Variants in CDH13 observed in about 807,000 individuals in gnomAD.
The protein encoded by CDH13 is cadherin-13.
Under a neutral mutation model 63.8 loss-of-function variants are expected in CDH13, and 24 were observed. The observed-to-expected ratio is 0.38, with a 90% CI of 0.27 to 0.53. The LOEUF (loss-of-function observed/expected upper bound fraction) is 0.53. Among genes scored for constraint, CDH13 ranks in the 20% least tolerant of loss-of-function variants. CDH13 has a pLI of 0.85. For missense variants in CDH13, 1,049 were observed against 903.1 expected (o/e 1.16, Z -2.07); for synonymous variants, 503 against 355.3 (o/e 1.42, Z -4.67).
chr16:83,741,864 A>G (rs1175657616), intron 10 of CDH13, among the ~76,000 whole-genome samples: 1 of 152,104 alleles, frequency 6.6e-6, no homozygotes, highest in African/African-American at 2.4e-5. Context: ...CACAAATCCT[A>G]TTGTGAACTG....
At chr16:83,568,368 CCTT>C (rs1277222166) in intron 7 of CDH13, among the ~76,000 whole-genome samples, 1 of 152,146 alleles carries the variant, frequency 6.6e-6, no homozygotes, top group Non-Finnish European at 1.5e-5. Context: ...AAATTCTGGT[CCTT>C]CTTCTTGAGT....
chr16:83,050,150 C>G (rs1470704377), intron 3 of CDH13, among the ~76,000 whole-genome samples: 1 of 152,110 alleles, frequency 6.6e-6, no homozygotes, highest in Non-Finnish European at 1.5e-5. Flanking sequence ...AAAAAAAACC[C>G]TGCTTATTGA....
intron 1 of CDH13, among the ~76,000 whole-genome samples, chr16:82,815,881 A>G (rs540983250): frequency 2.0e-5 from 3 of 152,334 alleles, no homozygotes; most frequent in Admixed American, 1.3e-4. Flanking sequence ...AACACCACAG[A>G]TGACTGTTGG....
intron 6 of CDH13, among the ~76,000 whole-genome samples, chr16:83,466,381 G>A (rs2073316327): frequency 6.6e-6 from 1 of 152,162 alleles, no homozygotes; most frequent in African/African-American, 2.4e-5. Context: ...CTGGACATTA[G>A]AACCGCCTTA....
At chr16:83,132,600 C>A (rs7195049) in intron 4 of CDH13, among the ~76,000 whole-genome samples, 1,841 of 151,868 alleles carry the variant, frequency 0.012, 24 homozygotes, top group African/African-American at 0.042. Flanking sequence ...GATGCCACCA[C>A]GCCCAGCTAA....
At chr16:83,004,725 T>A (rs13329781) in intron 2 of CDH13, among the ~76,000 whole-genome samples, 57,434 of 152,002 alleles carry the variant, frequency 0.38, 11,029 homozygotes, top group Non-Finnish European at 0.42. Flanking sequence ...ACTCCTGACC[T>A]CAAGTGATCC....
intron 6 of CDH13, among the ~76,000 whole-genome samples, chr16:83,376,908 C>A (rs2091470179): frequency 6.6e-6 from 1 of 152,092 alleles, no homozygotes; most frequent in Non-Finnish European, 1.5e-5. Context: ...CTGATAGAAG[C>A]CAGCACCACA....
At position 82,907,148 on chromosome 16, in the gene CDH13, A is replaced by G. The variant is rs574485401; in HGVS notation, c.157+48675A>G. On this transcript the variant is annotated intron_variant, in intron 2 of 13. Coordinates refer to ENST00000567109, the MANE Select transcript of CDH13 (RefSeq NM_001257.5). ...TTATTTTGGAATATAGAATTTCAGA[A>G]CAGAAATGGGATCTGATGATTGCCT... Among the ~76,000 whole-genome samples the G allele has an allele frequency of 1.6e-4, 25 of 152,326 alleles. No homozygotes were observed. In the South Asian group the frequency reaches 4.4e-3, roughly 27 times the overall value.
chr16:83,387,128 A>G (rs1019373550), intron 6 of CDH13, among the ~76,000 whole-genome samples: 1 of 152,324 alleles, frequency 6.6e-6, no homozygotes, highest in African/African-American at 2.4e-5. Flanking sequence ...TGTTAGGTCA[A>G]CCAAGTTACA....
At chr16:83,130,478 C>T (rs2035997220) in intron 4 of CDH13, among the ~76,000 whole-genome samples, 1 of 152,066 alleles carries the variant, frequency 6.6e-6, no homozygotes, top group Non-Finnish European at 1.5e-5. Flanking sequence ...AAATTGAGTG[C>T]AATTCTTGGC....
chr16:83,180,934 C>A, intron 4 of CDH13: 1 of 1,531,056 alleles, frequency 6.5e-7, no homozygotes, highest in Non-Finnish European at 8.8e-7. Context: ...GATTTAAATC[C>A]ATGCATTACA....
intron 2 of CDH13, among the ~76,000 whole-genome samples, chr16:82,911,450 G>T (rs923159363): frequency 2.0e-5 from 3 of 152,118 alleles, no homozygotes; most frequent in African/African-American, 7.2e-5. Flanking sequence ...GACCTAGAGG[G>T]AACTCTGCAG....
intron 1 of CDH13, among the ~76,000 whole-genome samples, chr16:82,847,794 C>G (rs1000924174): frequency 4.6e-5 from 7 of 152,032 alleles, no homozygotes; most frequent in African/African-American, 1.4e-4. Context: ...ATTAATTTAC[C>G]AAAAGCCAGA....
At chr16:83,502,154 A>T (rs889159124) in intron 7 of CDH13, among the ~76,000 whole-genome samples, 1 of 152,218 alleles carries the variant, frequency 6.6e-6, no homozygotes, top group Non-Finnish European at 1.5e-5. Flanking sequence ...ACTTGTAAAT[A>T]TGTTACCTTA....
intron 10 of CDH13, among the ~76,000 whole-genome samples, chr16:83,696,480 C>G (rs775197658): frequency 4.6e-5 from 7 of 152,160 alleles, no homozygotes; most frequent in Non-Finnish European, 1.0e-4. Context: ...CAAGCCCACA[C>G]TGGATCCACC....
chr16:83,199,484 C>G (rs1228759527), intron 4 of CDH13, among the ~76,000 whole-genome samples: 1 of 152,160 alleles, frequency 6.6e-6, no homozygotes, highest in Non-Finnish European at 1.5e-5. Context: ...CTCTCTGGGT[C>G]TCCTTAACTG....
intron 4 of CDH13, chr16:83,171,557 G>T: frequency 6.5e-7 from 1 of 1,534,082 alleles, no homozygotes; most frequent in Non-Finnish European, 8.7e-7. Context: ...TAGCACGATG[G>T]CTGACATGAG....
At chr16:82,741,147 C>T (rs940663114) in intron 1 of CDH13, among the ~76,000 whole-genome samples, 3 of 152,298 alleles carry the variant, frequency 2.0e-5, no homozygotes, top group African/African-American at 4.8e-5. Flanking sequence ...TTGTCCTGTT[C>T]ATTCTCTGCT....
At chr16:83,706,676 AAC>A (rs987514716) in intron 10 of CDH13, among the ~76,000 whole-genome samples, 8 of 152,180 alleles carry the variant, frequency 5.3e-5, no homozygotes, top group African/African-American at 1.9e-4. Flanking sequence ...AAGAGAAGAA[AAC>A]ACATATGCAG....
Sources: gnomAD v4.1 joint callset for allele counts (sites outside exome capture counted in the v4.1 genomes callset) on GRCh38, gnomAD v4.1.1 for gene constraint, MANE v1.5 for transcripts, NCBI Gene and HGNC (gene_info 2026-07-23, HGNC 2026-07-21) for gene names.